The following RBFOX1 variants were observed in gnomAD, a reference collection of about 807,000 sequenced individuals.
The protein encoded by RBFOX1 is RNA binding fox-1 homolog 1.
A neutral mutation model predicts 57.7 loss-of-function variants in RBFOX1; 8 were observed. The ratio of observed to expected loss-of-function variants is 0.14; its 90% CI spans 0.08 to 0.25. The LOEUF (loss-of-function observed/expected upper bound fraction) is 0.25. Among genes scored for constraint, RBFOX1 ranks in the 10% least tolerant of loss-of-function variants. The pLI is 1.00. For missense variants in RBFOX1, 611 were observed against 548.5 expected (o/e 1.11, Z -1.14); for synonymous variants, 326 against 222.4 (o/e 1.47, Z -4.15).
At chr16:5,970,924 C>T (rs561841548) in intron 4 of RBFOX1, among the ~76,000 whole-genome samples, 62 of 152,318 alleles carry the variant, frequency 4.1e-4, no homozygotes, top group African/African-American at 1.4e-3. Flanking sequence ...TCTCAGTGCA[C>T]CCTAAAGCAC....
Position 5,654,267 on chromosome 16 carries a change from T to A in RBFOX1, c.318+55306T>A, listed in dbSNP as rs751873707. 2.0e-5 allele frequency among the ~76,000 whole-genome samples: 3 copies of A among 152,202 alleles called. No homozygotes were observed. The East Asian group carries it at 5.8e-4, about 29-fold the overall frequency. ...TCAAGCTGTTCTTTGGCCTGTAATATGCTGGAGCCAATCCATATTGGCTTC... is the reference window on the plus strand; with the variant it reads ...TCAAGCTGTTCTTTGGCCTGTAATAAGCTGGAGCCAATCCATATTGGCTTC... On this transcript the variant is annotated intron_variant, in intron 3 of 19. Coordinates refer to the RBFOX1 transcript ENST00000641259.
At chr16:7,318,091 ATGG>A (rs900344497) in intron 4 of RBFOX1, among the ~76,000 whole-genome samples, 4 of 151,102 alleles carry the variant, frequency 2.6e-5, no homozygotes, top group East Asian at 3.9e-4. Flanking sequence ...GATGAAGGTG[ATGG>A]TGGTAGTGCT....
Position 7,259,792 on chromosome 16 carries a change from C to T in RBFOX1, c.27+207694C>T, listed in dbSNP as rs528934260. 1.4e-4 allele frequency among the ~76,000 whole-genome samples: 22 copies of T among 152,068 alleles called. No homozygotes were observed. In the South Asian group the frequency reaches 4.6e-3, roughly 32 times the overall value. On this transcript the variant is annotated intron_variant, in intron 4 of 15. Transcript: ENST00000550418. Reference sequence around the variant, plus strand: ...TAATTGGGAGGGAGGGAAATGTTTTCTTAAAAAACTACCTTTTCTCCAGAA... The same window carrying T: ...TAATTGGGAGGGAGGGAAATGTTTTTTTAAAAAACTACCTTTTCTCCAGAA...
chr16:7,155,816 T>A lies in RBFOX1; in HGVS notation c.27+103718T>A, dbSNP rs530877879. ...ATTCAGCTATTCTAATATTTGTATA[T>A]GTAAATGTGCTCTATATAATACCTA... On this transcript the variant is annotated intron_variant, in intron 4 of 15. Transcript: ENST00000550418. Among the ~76,000 whole-genome samples the A allele has an allele frequency of 2.0e-5, 3 of 150,516 alleles. No homozygotes were observed. The South Asian group carries it at 6.3e-4, about 32-fold the overall frequency.
chr16:5,621,048 G>C (rs1009839532), intron 3 of RBFOX1, among the ~76,000 whole-genome samples: 1 of 152,170 alleles, frequency 6.6e-6, no homozygotes, highest in African/African-American at 2.4e-5. Flanking sequence ...CACCATGTTG[G>C]CCAGGATGGT....
chr16:7,078,382 C>T (rs1006920244), intron 4 of RBFOX1, among the ~76,000 whole-genome samples: 1 of 152,304 alleles, frequency 6.6e-6, no homozygotes, highest in East Asian at 1.9e-4. Flanking sequence ...GAGTGTCACT[C>T]TATCATCCAG....
At chr16:7,115,100 A>T (rs2065599721) in intron 4 of RBFOX1, among the ~76,000 whole-genome samples, 1 of 152,182 alleles carries the variant, frequency 6.6e-6, no homozygotes, top group Non-Finnish European at 1.5e-5. Flanking sequence ...AAAATAATGT[A>T]TTATATAATA....
At chr16:7,132,617 A>C (rs1267857206) in intron 4 of RBFOX1, among the ~76,000 whole-genome samples, 6 of 151,510 alleles carry the variant, frequency 4.0e-5, no homozygotes, top group South Asian at 4.2e-4. Context: ...AAAAAAAAAA[A>C]CCACACACAC....
intron 4 of RBFOX1, among the ~76,000 whole-genome samples, chr16:5,955,068 G>GTCAGGAGT (rs2059596807): frequency 7.6e-6 from 1 of 131,546 alleles, no homozygotes; most frequent in Admixed American, 8.9e-5. Context: ...ATCACTTGAG[G>GTCAGGAGT]TCAGGAGTTC....
intron 4 of RBFOX1, among the ~76,000 whole-genome samples, chr16:7,166,155 A>C (rs1483776894): frequency 6.6e-6 from 1 of 152,080 alleles, no homozygotes; most frequent in Non-Finnish European, 1.5e-5. Flanking sequence ...ATGGGATTAC[A>C]GGTGCATGCC....
At chr16:7,099,886 G>C (rs1011949476) in intron 4 of RBFOX1, among the ~76,000 whole-genome samples, 2 of 152,084 alleles carry the variant, frequency 1.3e-5, no homozygotes, top group Non-Finnish European at 2.9e-5. Context: ...CAGGTTTTAG[G>C]GAGAATAGAC....
chr16:7,227,983 C>G (rs1603388826), intron 4 of RBFOX1, among the ~76,000 whole-genome samples: 1 of 152,158 alleles, frequency 6.6e-6, no homozygotes, highest in Non-Finnish European at 1.5e-5. Context: ...GGATGTTTAG[C>G]AGTATCTCTG....
intron 4 of RBFOX1, among the ~76,000 whole-genome samples, chr16:7,421,818 C>A (rs1489773659): frequency 6.6e-6 from 1 of 152,222 alleles, no homozygotes; most frequent in Non-Finnish European, 1.5e-5. Flanking sequence ...TGATGGGGCA[C>A]TGAATTATAT....
At chr16:6,067,313 G>C (rs1034642240) in intron 1 of RBFOX1, among the ~76,000 whole-genome samples, 1 of 152,036 alleles carries the variant, frequency 6.6e-6, no homozygotes, top group African/African-American at 2.4e-5. Flanking sequence ...CACTTTTTCA[G>C]AGACATTCTG....
At chr16:7,009,279 T>C (rs1322336955) in intron 3 of RBFOX1, among the ~76,000 whole-genome samples, 2 of 133,484 alleles carry the variant, frequency 1.5e-5, no homozygotes, top group African/African-American at 7.6e-5. Flanking sequence ...TTCTTCTCTC[T>C]TTTCTCTCTC....
At chr16:7,323,502 A>G (rs2096572159) in intron 4 of RBFOX1, among the ~76,000 whole-genome samples, 1 of 152,246 alleles carries the variant, frequency 6.6e-6, no homozygotes, top group South Asian at 2.1e-4. Flanking sequence ...CATTCAAAAA[A>G]AAGAAAGCCT....
intron 3 of RBFOX1, among the ~76,000 whole-genome samples, chr16:6,867,295 C>A (rs1020569910): frequency 6.6e-6 from 1 of 151,954 alleles, no homozygotes; most frequent in Admixed American, 6.6e-5. Context: ...GAGATCCATC[C>A]ATATTCTGGA....
intron 4 of RBFOX1, among the ~76,000 whole-genome samples, chr16:7,162,281 G>GTA (rs1457495681): frequency 2.0e-5 from 3 of 151,924 alleles, no homozygotes; most frequent in East Asian, 1.9e-4. Context: ...CTCTCCATAT[G>GTA]TATATATATG....
chr16:6,063,466 C>CACAA, intron 1 of RBFOX1, among the ~76,000 whole-genome samples: 1 of 35,860 alleles, frequency 2.8e-5, no homozygotes, highest in Admixed American at 3.0e-4. Flanking sequence ...CTTTCTCCGA[C>CACAA]ACACACACAC....
Sources: allele counts gnomAD v4.1 joint callset (sites outside exome capture counted in the v4.1 genomes callset), GRCh38; gene constraint gnomAD v4.1.1; transcripts MANE v1.5; gene names NCBI Gene and HGNC (gene_info 2026-07-23, HGNC 2026-07-21).